ZNF366: variants seen among roughly 807,000 people sequenced by gnomAD.
The protein encoded by ZNF366 is zinc finger protein 366, also known as dendritic cell-specific transcript protein.
ZNF366 carries 20 observed loss-of-function variants against 47.2 expected under a neutral mutation model. The ratio of observed to expected loss-of-function variants is 0.42; its 90% CI spans 0.30 to 0.62. The LOEUF is 0.62. ZNF366 is among the 20% of genes least tolerant of loss of function. ZNF366 has a pLI of 0.16. For missense variants in ZNF366, 987 were observed against 976.3 expected (o/e 1.01, Z -0.15); for synonymous variants, 421 against 395.1 (o/e 1.07, Z -0.78).
rs1396370965 is a variant in ZNF366, at chr5:72,440,954, C to T, written c.*2802G>A. 2 of 152,150 alleles carry T rather than the reference C, an allele frequency of 1.3e-5. No homozygotes were observed. The highest frequency in any genetic ancestry group is 4.8e-5 in the African/African-American group (2 of 41,426). The allele number at this position is 152,150 out of a possible 1,614,324, so 9.4% of individuals were successfully genotyped here. A position where few individuals can be genotyped will look rare whatever the true frequency, so the allele number is the denominator to read the frequency against. On this transcript the variant is annotated 3_prime_UTR_variant, in exon 5 of 5. Coordinates refer to ENST00000318442, the MANE Select transcript of ZNF366 (RefSeq NM_152625.3). ...TATTTCTCCTAGACCTTTTTACTGC[C>T]TCCAAATAAAATTTTACTTAGAATG... is the stretch of plus-strand genomic sequence containing the variant.
intron 1 of ZNF366, among the ~76,000 whole-genome samples, chr5:72,506,779 A>G (rs1744327994): frequency 6.6e-6 from 1 of 152,266 alleles, no homozygotes; most frequent in Non-Finnish European, 1.5e-5. Flanking sequence ...ACAATTAACA[A>G]TCCTCCTTTA....
intron 1 of ZNF366, among the ~76,000 whole-genome samples, chr5:72,462,533 TTC>T (rs1743339779): frequency 1.2e-5 from 1 of 81,404 alleles, no homozygotes; most frequent in Non-Finnish European, 2.2e-5. Flanking sequence ...CTTTCTTTCT[TTC>T]TTTCTTTCTT....
intron 4 of ZNF366, 88 bp downstream of exon 4, chr5:72,447,155 C>A: frequency 6.9e-7 from 1 of 1,458,114 alleles, no homozygotes; most frequent in Non-Finnish European, 9.4e-7. Context: ...ACAAGAATAA[C>A]CCTCAAGGTA....
intron 1 of ZNF366, among the ~76,000 whole-genome samples, chr5:72,495,779 A>G (rs899327257): frequency 1.3e-5 from 2 of 152,166 alleles, no homozygotes; most frequent in Non-Finnish European, 2.9e-5. Context: ...AAAGGCTCAG[A>G]CATTTGCCCA....
chr5:72,501,280 A>C (rs1055333123), intron 1 of ZNF366, among the ~76,000 whole-genome samples: 10 of 152,264 alleles, frequency 6.6e-5, no homozygotes, highest in African/African-American at 1.9e-4. Context: ...CTATCAAAGG[A>C]ATATAGGAGA....
intron 2 of ZNF366, among the ~76,000 whole-genome samples, 185 bp downstream of exon 2, chr5:72,459,980 C>T (rs901126163): frequency 1.3e-5 from 2 of 152,214 alleles, no homozygotes; most frequent in Admixed American, 1.3e-4. Flanking sequence ...GGTCGAGAAT[C>T]GTTCTCTCTT....
At chr5:72,448,594 C>A (rs2112316676) in intron 3 of ZNF366, among the ~76,000 whole-genome samples, 1 of 152,236 alleles carries the variant, frequency 6.6e-6, no homozygotes, top group African/African-American at 2.4e-5. Context: ...ACCTCAGAGG[C>A]CAGTGGAGCT....
intron 1 of ZNF366, among the ~76,000 whole-genome samples, chr5:72,489,128 C>T (rs1272815632): frequency 7.9e-5 from 12 of 152,118 alleles, no homozygotes; most frequent in Non-Finnish European, 1.8e-4. Flanking sequence ...GTAATCCCAG[C>T]CCTTTGGGAG....
chr5:72,480,347 A>G (rs951089238), intron 1 of ZNF366, among the ~76,000 whole-genome samples: 1 of 152,190 alleles, frequency 6.6e-6, no homozygotes, highest in Non-Finnish European at 1.5e-5. Flanking sequence ...TTGGCAAAAG[A>G]AAGAGTTCTT....
intron 1 of ZNF366, among the ~76,000 whole-genome samples, chr5:72,467,692 C>G (rs756473900): frequency 6.6e-6 from 1 of 152,236 alleles, no homozygotes; most frequent in Non-Finnish European, 1.5e-5. Context: ...AGAATATTCA[C>G]TCTTCCACGA....
rs1742838468 is a variant in ZNF366, at chr5:72,440,620, GGCT to G, written c.*3133_*3135del. The G allele has an allele frequency of 1.3e-5, 2 of 152,210 alleles. No individual in the cohort carries two copies. Among genetic ancestry groups the G allele is most frequent in the Non-Finnish European group, 2.9e-5 (2 of 68,052 alleles). The allele number at this position is 152,210 out of a possible 1,614,324, so 9.4% of individuals were successfully genotyped here. On this transcript the variant is annotated 3_prime_UTR_variant, in exon 5 of 5. Coordinates refer to ENST00000318442, the MANE Select transcript of ZNF366 (RefSeq NM_152625.3). ...TCTGGTTCATCAGCTCATTAGGCAAGGCTGGCCAACCCTTCCCTTAACTCTGTG... is the reference window on the plus strand; with the variant it reads ...TCTGGTTCATCAGCTCATTAGGCAAGGGCCAACCCTTCCCTTAACTCTGTG...
At chr5:72,499,931 C>T (rs536589391) in intron 1 of ZNF366, among the ~76,000 whole-genome samples, 13 of 152,320 alleles carry the variant, frequency 8.5e-5, no homozygotes, top group African/African-American at 2.6e-4. Flanking sequence ...TCCTCTCCCT[C>T]GCTCTCTTCC....
intron 1 of ZNF366, among the ~76,000 whole-genome samples, chr5:72,476,749 G>A (rs1390739656): frequency 6.6e-6 from 1 of 152,156 alleles, no homozygotes; most frequent in Admixed American, 6.5e-5. Context: ...TGTGAGCCCT[G>A]AGCGGAAGAC....
At chr5:72,458,633 C>G (rs758232875) in intron 2 of ZNF366, among the ~76,000 whole-genome samples, 1 of 152,194 alleles carries the variant, frequency 6.6e-6, no homozygotes, top group South Asian at 2.1e-4. Context: ...GGCCAAGGCA[C>G]AGGTGCCTGT....
chr5:72,482,662 C>G (rs1743811522), intron 1 of ZNF366, among the ~76,000 whole-genome samples: 1 of 152,080 alleles, frequency 6.6e-6, no homozygotes. Context: ...TGTGGTCCAC[C>G]ACAGGCTCCG....
At chr5:72,479,912 T>C (rs1404293046) in intron 1 of ZNF366, among the ~76,000 whole-genome samples, 1 of 152,202 alleles carries the variant, frequency 6.6e-6, no homozygotes, top group Non-Finnish European at 1.5e-5. Context: ...CACATACTAA[T>C]ATAACCAAGA....
chr5:72,472,125 T>A (rs1204936943), intron 1 of ZNF366, among the ~76,000 whole-genome samples: 1 of 152,206 alleles, frequency 6.6e-6, no homozygotes, highest in African/African-American at 2.4e-5. Context: ...CTCTTCTGTG[T>A]CTGCACTATG....
At chr5:72,502,939 C>T (rs1744239648) in intron 1 of ZNF366, among the ~76,000 whole-genome samples, 1 of 152,162 alleles carries the variant, frequency 6.6e-6, no homozygotes, top group Admixed American at 6.5e-5. Flanking sequence ...GTGTGACCAA[C>T]ATGGTGAATC....
intron 1 of ZNF366, among the ~76,000 whole-genome samples, chr5:72,470,971 G>A (rs948791194): frequency 5.3e-5 from 8 of 152,204 alleles, no homozygotes; most frequent in African/African-American, 1.7e-4. Context: ...AATGTGGGAA[G>A]GTTCTGAAAA....
Sources: gnomAD v4.1 joint callset for allele counts (sites outside exome capture counted in the v4.1 genomes callset) on GRCh38, gnomAD v4.1.1 for gene constraint, MANE v1.5 for transcripts, NCBI Gene and HGNC (gene_info 2026-07-23, HGNC 2026-07-21) for gene names.